SYCE1L: variants seen among roughly 807,000 people sequenced by gnomAD.
SYCE1L encodes the protein synaptonemal complex central element protein 1 like.
SYCE1L carries 51 observed loss-of-function variants against 39.6 expected under a neutral mutation model. The ratio of observed to expected loss-of-function variants is 1.29; its 90% CI spans 1.03 to 1.63. The LOEUF (loss-of-function observed/expected upper bound fraction) is 1.63, where lower values mean the gene tolerates loss of function less well. SYCE1L is among the 40% of genes most tolerant of loss of function. SYCE1L has a pLI of 0.00. For missense variants in SYCE1L, 426 were observed against 304.9 expected, an observed-to-expected ratio of 1.40 and a Z score of -2.96; for synonymous variants, 147 against 122.4, an observed-to-expected ratio of 1.20 and a Z score of -1.33.
intron 1 of SYCE1L, among the ~76,000 whole-genome samples, chr16:77,204,173 A>G (rs1421397969): frequency 6.6e-6 from 1 of 152,204 alleles, no homozygotes; most frequent in Non-Finnish European, 1.5e-5. Context: ...CAAATTCCAT[A>G]ATATACATTC....
chr16:77,201,666 G>C (rs1349708764), intron 1 of SYCE1L: 3 of 152,104 alleles, frequency 2.0e-5, no homozygotes, highest in African/African-American at 7.2e-5. Flanking sequence ...TGTTGATGTA[G>C]GCACAACACA....
At chr16:77,207,903 C>T (rs1199353171) in intron 2 of SYCE1L, among the ~76,000 whole-genome samples, 1 of 152,208 alleles carries the variant, frequency 6.6e-6, no homozygotes, top group African/African-American at 2.4e-5. Flanking sequence ...CTTCCTTCTT[C>T]TCATCTGGGG....
chr16:77,211,999 A>C (rs1259234245), intron 7 of SYCE1L, 131 bp from the exon 8 acceptor site: 1 of 1,047,032 alleles, frequency 9.6e-7, no homozygotes, highest in East Asian at 2.8e-5. Flanking sequence ...CTGCACATTG[A>C]GTTAATAAAT....
At chr16:77,212,406 G>T in intron 9 of SYCE1L, 37 bp downstream of exon 9, 1 of 1,531,868 alleles carries the variant, frequency 6.5e-7, no homozygotes, top group African/African-American at 1.4e-5. Context: ...AGGAGGGCAG[G>T]GGCAGGGCGG....
chr16:77,202,575 A>G (rs950463616), intron 1 of SYCE1L, among the ~76,000 whole-genome samples: 14 of 152,212 alleles, frequency 9.2e-5, no homozygotes, highest in African/African-American at 3.4e-4. Flanking sequence ...ATGGTTGCAA[A>G]TGCCAGCCAT....
rs1312131113 is a variant in SYCE1L at position 77,206,438 on chromosome 16, C to T, written c.62-3C>T. 1 of 1,551,382 alleles carries T rather than the reference C, an allele frequency of 6.4e-7. No homozygotes were observed. Among genetic ancestry groups the T allele is most frequent in the Non-Finnish European group, 8.7e-7 (1 of 1,146,882 alleles). ...CCTGTAATTTTGATTTTCCTTTCTA[C>T]AGGGCAAGCCAAGTCTTTGAAGACT... is the stretch of plus-strand genomic sequence containing the variant. On this transcript the variant is annotated splice_polypyrimidine_tract_variant and splice_region_variant and intron_variant, in intron 1 of 10. Transcript: ENST00000378644.
chr16:77,199,609 A>AT, intron 1 of SYCE1L, 97 bp downstream of exon 1: 2 of 1,021,528 alleles, frequency 2.0e-6, no homozygotes, highest in South Asian at 1.6e-5. Context: ...TGATATTCTA[A>AT]TTTTTTTAAA....
intron 1 of SYCE1L, chr16:77,199,790 A>C (rs1364727998): frequency 3.1e-6 from 1 of 318,448 alleles, no homozygotes; most frequent in Non-Finnish European, 5.7e-6. Context: ...CTTCAAACAA[A>C]AGTGGGGCGG....
At chr16:77,208,404 C>T (rs1438128167) in intron 3 of SYCE1L, 61 bp from the exon 4 acceptor site, 37 of 1,546,084 alleles carry the variant, frequency 2.4e-5, no homozygotes, top group Middle Eastern at 3.3e-4. Context: ...GTCATATTTG[C>T]GAGAGAACAG....
In SYCE1L at chr16:77,212,608, G is replaced by C; in HGVS notation, c.616G>C (p.Val206Leu). 3 of 1,536,092 alleles carry C rather than the reference G, an allele frequency of 2.0e-6. No individual in the cohort carries two copies. The highest frequency in any genetic ancestry group is 2.4e-5 in the South Asian group (2 of 84,018). ...KAELEIFGEQ[V>L]RSAPEVGAGE... ...GGAGCTGGAGATATTCGGGGAGCAG[G>C]TCCGGAGCGCCCCCGAGGTCGGGGC... Residue 206 changes from valine to leucine, a missense_variant, in exon 10 of 11, where the codon GTC (valine) becomes CTC (leucine). Coordinates refer to ENST00000378644, the MANE Select transcript of SYCE1L (RefSeq NM_001129979.3).
chr16:77,211,345 A>T, intron 7 of SYCE1L, 69 bp downstream of exon 7: 1 of 1,528,006 alleles, frequency 6.5e-7, no homozygotes, highest in South Asian at 1.2e-5. Flanking sequence ...TGACTGGCCC[A>T]GAGTCCACCC....
chr16:77,211,119 G>T, intron 6 of SYCE1L, 94 bp from the exon 7 acceptor site: 1 of 1,350,320 alleles, frequency 7.4e-7, no homozygotes. Flanking sequence ...AGCAGAGGGA[G>T]CATGGGCAGG....
At chr16:77,206,901 C>T (rs886806572) in intron 2 of SYCE1L, among the ~76,000 whole-genome samples, 3 of 152,186 alleles carry the variant, frequency 2.0e-5, no homozygotes, top group South Asian at 4.2e-4. Context: ...TTGCTTTTTG[C>T]GGGAAACCTG....
Position 77,205,433 on chromosome 16 carries a change from A to AATATAT in SYCE1L, c.62-997_62-992dup, listed in dbSNP as rs145238524. On this transcript the variant is annotated intron_variant, in intron 1 of 10. Transcript: ENST00000378644. The stretch of plus-strand genomic sequence containing the variant: ...TCATGTTAAAATATACATAGAAGTA[A>AATATAT]ATATATATATATATATGTATACATA... Among the ~76,000 whole-genome samples, 622 of 145,286 alleles carry AATATAT rather than the reference A, an allele frequency of 4.3e-3. 3 individuals carry two copies. The highest frequency in any genetic ancestry group is 0.027 in the South Asian group (127 of 4,628).
intron 1 of SYCE1L, among the ~76,000 whole-genome samples, chr16:77,205,882 A>G (rs1389088940): frequency 2.6e-5 from 4 of 152,166 alleles, no homozygotes; most frequent in Admixed American, 6.5e-5. Flanking sequence ...CCTCAAACTT[A>G]GCTGAAACAA....
rs765680664 is a variant in SYCE1L, at chr16:77,208,238, C to T, written c.150C>T (p.Asp50=). The T allele has an allele frequency of 3.9e-6, 6 of 1,551,606 alleles. No homozygotes were observed. The highest frequency in any genetic ancestry group is 1.2e-5 in the South Asian group (1 of 84,052). The part of the protein sequence containing the change: ...KEGSLEPQIE[D]LISRINDLQQ... ...GAAGCCTGGAGCCACAGATAGAGGA[C>T]CTGATTAGCCGGATTAATGATCTTC... Residue 50 remains aspartate (D), a synonymous_variant, in exon 3 of 11, where the codon GAC becomes GAT. Transcript: ENST00000378644.
chr16:77,210,624 T>G (rs2054815930), intron 6 of SYCE1L, among the ~76,000 whole-genome samples: 1 of 151,974 alleles, frequency 6.6e-6, no homozygotes, highest in Non-Finnish European at 1.5e-5. Flanking sequence ...CTCGGTGAAG[T>G]AACAGATTAG....
At chr16:77,200,902 T>C (rs2054735133) in intron 1 of SYCE1L, 1 of 152,230 alleles carries the variant, frequency 6.6e-6, no homozygotes, top group Non-Finnish European at 1.5e-5. Flanking sequence ...TACCTATCAG[T>C]ATGCTTTAAC....
intron 1 of SYCE1L, 136 bp from the exon 2 acceptor site, chr16:77,206,305 G>C (rs1483018472): frequency 9.8e-6 from 7 of 713,694 alleles, no homozygotes; most frequent in Admixed American, 2.5e-5. Context: ...CCCTGCTTCA[G>C]ATGGAAACCT....
Sources: allele counts gnomAD v4.1 joint callset (sites outside exome capture counted in the v4.1 genomes callset), GRCh38; gene constraint gnomAD v4.1.1; transcripts MANE v1.5; gene names NCBI Gene and HGNC (gene_info 2026-07-23, HGNC 2026-07-21).